MAP2K4: variants seen among roughly 807,000 people sequenced by gnomAD.
MAP2K4 encodes the protein mitogen-activated protein kinase kinase 4.
Under a neutral mutation model 48.5 loss-of-function variants are expected in MAP2K4, and 4 were observed. The ratio of observed to expected loss-of-function variants is 0.08; its 90% confidence interval spans 0.04 to 0.19. The LOEUF (loss-of-function observed/expected upper bound fraction) is 0.19, where lower values mean the gene tolerates loss of function less well. Ranked by LOEUF, MAP2K4 falls within the 10% of genes least tolerant of loss-of-function variation. The pLI, the probability that MAP2K4 is intolerant of heterozygous loss-of-function variation, is 1.00. For missense variants in MAP2K4, 258 were observed against 493.3 expected (o/e 0.52, Z 4.52); for synonymous variants, 166 against 173.1 (o/e 0.96, Z 0.32).
chr17:12,053,927 T>C (rs1333114402), intron 1 of MAP2K4, among the ~76,000 whole-genome samples: 1 of 152,182 alleles, frequency 6.6e-6, no homozygotes, highest in Non-Finnish European at 1.5e-5. Context: ...TAATAAACTC[T>C]AGAGAGTGAG....
intron 2 of MAP2K4, among the ~76,000 whole-genome samples, chr17:12,072,935 A>G (rs1970867587): frequency 6.6e-6 from 1 of 152,226 alleles, no homozygotes; most frequent in South Asian, 2.1e-4. Flanking sequence ...CACAAATGAA[A>G]AGTAGTTGAG....
At chr17:12,074,416 C>T (rs1970926188) in intron 2 of MAP2K4, among the ~76,000 whole-genome samples, 1 of 152,090 alleles carries the variant, frequency 6.6e-6, no homozygotes, top group South Asian at 2.1e-4. Context: ...CCTTTCAGGT[C>T]TTGCTTTTTA....
At chr17:12,092,020 A>C (rs1416610019) in intron 3 of MAP2K4, among the ~76,000 whole-genome samples, 2 of 152,170 alleles carry the variant, frequency 1.3e-5, no homozygotes, top group South Asian at 4.1e-4. Flanking sequence ...AGTAGTGTTA[A>C]GTAAAAGAGC....
intron 5 of MAP2K4, among the ~76,000 whole-genome samples, chr17:12,108,214 AG>A (rs1972187693): frequency 6.6e-6 from 1 of 152,138 alleles, no homozygotes; most frequent in Admixed American, 6.6e-5. Context: ...ATTTTTAAAT[AG>A]GTTATATTAC....
chr17:12,140,661 A>T (rs1973349908), intron 10 of MAP2K4, among the ~76,000 whole-genome samples: 1 of 152,152 alleles, frequency 6.6e-6, no homozygotes, highest in Admixed American at 6.5e-5. Flanking sequence ...TTTTTGTTAA[A>T]AGGTCAAAAG....
At chr17:12,115,525 A>G in intron 7 of MAP2K4, 1 of 530,024 alleles carries the variant, frequency 1.9e-6, no homozygotes, top group Non-Finnish European at 3.4e-6. Context: ...TAAAGGAGGT[A>G]GAGGTGACGG....
chr17:12,048,678 C>T (rs55800412), intron 1 of MAP2K4, among the ~76,000 whole-genome samples: 26,891 of 151,720 alleles, frequency 0.18, 2,631 homozygotes, highest in South Asian at 0.3. Flanking sequence ...TTTTTTGAGA[C>T]GCAGTTTCAC....
intron 2 of MAP2K4, among the ~76,000 whole-genome samples, chr17:12,056,370 G>A (rs1003874463): frequency 2.6e-5 from 4 of 152,090 alleles, no homozygotes; most frequent in African/African-American, 7.2e-5. Context: ...AATTCATGGA[G>A]CAAAATTTTT....
At chr17:12,139,686 G>A (rs1382357009) in intron 9 of MAP2K4, among the ~76,000 whole-genome samples, 153 bp from the exon 10 acceptor site, 2 of 152,102 alleles carry the variant, frequency 1.3e-5, no homozygotes, top group Non-Finnish European at 2.9e-5. Context: ...TTTTTTGTAT[G>A]TGCTTTTACT....
chr17:12,114,401 T>A (rs926999650), intron 7 of MAP2K4, among the ~76,000 whole-genome samples: 1 of 91,552 alleles, frequency 1.1e-5, no homozygotes, highest in Admixed American at 1.1e-4. Context: ...TGTGTGTGTG[T>A]GTGTGTGTGT....
At chr17:12,050,886 C>G (rs1301052456) in intron 1 of MAP2K4, among the ~76,000 whole-genome samples, 1 of 152,180 alleles carries the variant, frequency 6.6e-6, no homozygotes, top group African/African-American at 2.4e-5. Flanking sequence ...TCCCTTTCTT[C>G]AGGATTACAG....
intron 2 of MAP2K4, among the ~76,000 whole-genome samples, chr17:12,066,790 C>T (rs1015932404): frequency 2.6e-5 from 4 of 152,120 alleles, no homozygotes; most frequent in Admixed American, 1.3e-4. Flanking sequence ...TCCGGGTTCA[C>T]GCCATTCTCC....
At chr17:12,115,361 G>T (rs564056086) in intron 7 of MAP2K4, among the ~76,000 whole-genome samples, 1 of 152,148 alleles carries the variant, frequency 6.6e-6, no homozygotes, top group Non-Finnish European at 1.5e-5. Flanking sequence ...AGATGGTATA[G>T]CCTACTACAC....
intron 6 of MAP2K4, 72 bp from the exon 7 acceptor site, chr17:12,113,161 T>C (rs1182361881): frequency 6.9e-7 from 1 of 1,443,942 alleles, no homozygotes; most frequent in Non-Finnish European, 9.5e-7. Flanking sequence ...TTCAATATTT[T>C]TGCTTAAAGT....
rs1192323091 is a variant in MAP2K4 at position 12,141,217 on chromosome 17, A to C, written c.1157A>C (p.Asp386Ala). 2 of 1,613,728 alleles carry C rather than the reference A, an allele frequency of 1.2e-6. No individual in the cohort carries two copies. The highest frequency in any genetic ancestry group is 1.7e-6 in the Non-Finnish European group (2 of 1,179,800). ...GCATGCTATGTTTGTAAAATCCTGGATCAAATGCCAGCTACTCCCAGCTCT... is the reference window on the plus strand; with the variant it reads ...GCATGCTATGTTTGTAAAATCCTGGCTCAAATGCCAGCTACTCCCAGCTCT... The part of the protein sequence containing the change: ...EVACYVCKIL[D>A]QMPATPSSPM... The change falls in exon 11 of 11, where the codon GAT (aspartate) becomes GCT (alanine). Residue 386 changes from aspartate to alanine, a missense_variant. Asp to Ala is a moderately radical substitution (Grantham distance 126). Coordinates refer to ENST00000353533, the MANE Select transcript of MAP2K4 (RefSeq NM_003010.4).
intron 2 of MAP2K4, among the ~76,000 whole-genome samples, chr17:12,060,007 A>G (rs967337980): frequency 2.6e-5 from 4 of 151,996 alleles, no homozygotes; most frequent in Non-Finnish European, 5.9e-5. Context: ...GCAAAACCCC[A>G]TTTCTACAAA....
chr17:12,143,246 C>T lies in MAP2K4; in HGVS notation c.*1986C>T, dbSNP rs912655032. The T allele has an allele frequency of 3.9e-5, 9 of 232,732 alleles. No homozygotes were observed. Among genetic ancestry groups the T allele is most frequent in the African/African-American group, 2.0e-4 (9 of 45,260 alleles). The allele number at this position is 232,732 out of a possible 1,614,324, so 14.4% of individuals were successfully genotyped here. On this transcript the variant is annotated 3_prime_UTR_variant, in exon 11 of 11. Coordinates refer to ENST00000353533, the MANE Select transcript of MAP2K4 (RefSeq NM_003010.4). ...TCTGGCTCAGCATAGGGTCACTTTG[C>T]CATTATGCAAATGGAGATAAAAGCA...
At chr17:12,086,612 A>C (rs1318639059) in intron 3 of MAP2K4, among the ~76,000 whole-genome samples, 1 of 152,202 alleles carries the variant, frequency 6.6e-6, no homozygotes, top group East Asian at 1.9e-4. Context: ...CCATATTGGA[A>C]GCCCTTGGGG....
At chr17:12,034,883 G>T (rs2151512244) in intron 1 of MAP2K4, among the ~76,000 whole-genome samples, 1 of 152,276 alleles carries the variant, frequency 6.6e-6, no homozygotes, top group East Asian at 1.9e-4. Flanking sequence ...CCAACAATGG[G>T]CCTACCCTGC....
Sources: allele counts gnomAD v4.1 joint callset (sites outside exome capture counted in the v4.1 genomes callset), GRCh38; gene constraint gnomAD v4.1.1; transcripts MANE v1.5; gene names NCBI Gene and HGNC (gene_info 2026-07-23, HGNC 2026-07-21).